The following VASP variants were observed in gnomAD, a reference collection of about 807,000 sequenced individuals.
VASP encodes vasodilator stimulated phosphoprotein, also known as vasodilator-stimulated phosphoprotein.
VASP carries 27 observed loss-of-function variants against 54.4 expected under a neutral mutation model. That is an observed-to-expected ratio of 0.50 (90% CI 0.37 to 0.68). VASP has a LOEUF of 0.68. Among genes scored for constraint, VASP ranks in the 30% least tolerant of loss-of-function variants. VASP has a pLI of 0.00. For missense variants in VASP, 488 were observed against 528.3 expected, an observed-to-expected ratio of 0.92 and a Z score of 0.75; for synonymous variants, 233 against 209.8, an observed-to-expected ratio of 1.11 and a Z score of -0.96.
rs765367406 is a variant in VASP at position 45,517,830 on chromosome 19, A to G, written c.173A>G (p.Gln58Arg). The G allele has an allele frequency of 1.2e-6, 2 of 1,613,140 alleles. No individual in the cohort carries two copies. The highest frequency in any genetic ancestry group is 2.2e-5 in the South Asian group (2 of 91,036). Residue 58 changes from glutamine to arginine, a missense_variant, in exon 2 of 13, where the codon CAG (glutamine) becomes CGG (arginine). By Grantham distance (43) the Gln-to-Arg change is conservative. Coordinates refer to ENST00000245932, the MANE Select transcript of VASP (RefSeq NM_003370.4). ...RVVGRKMQPD[Q>R]QVVINCAIVR... ...GTGGGCCGGAAGATGCAGCCCGACC[A>G]GCAGGTGCAGCTTCCCGCCGGCCCC...
chr19:45,524,153 G>T lies in VASP; in HGVS notation c.956+11G>T, dbSNP rs187934760. 6.2e-7 allele frequency: 1 copy of T among 1,612,884 alleles called. No homozygotes were observed. Among genetic ancestry groups the T allele is most frequent in the African/African-American group, 1.3e-5 (1 of 74,812 alleles). ...CACAACCTTGCCAAGGTAGGCCATC[G>T]GTCCTGGGGCCCTTGGGGAGGTAAA... On this transcript the variant is annotated intron_variant, in intron 10 of 12. Coordinates refer to ENST00000245932, the MANE Select transcript of VASP (RefSeq NM_003370.4).
chr19:45,512,153 T>A (rs1454837093), intron 1 of VASP, among the ~76,000 whole-genome samples: 4 of 152,002 alleles, frequency 2.6e-5, no homozygotes, highest in African/African-American at 4.8e-5. Context: ...TCTCAAAAGA[T>A]AAATGGTACA....
rs372139948 is a variant in VASP, at chr19:45,522,223, G to A, written c.478+6G>A. On this transcript the variant is annotated splice_donor_region_variant and intron_variant, in intron 5 of 12. Coordinates refer to ENST00000245932, the MANE Select transcript of VASP (RefSeq NM_003370.4). ...GCGCCGGGTCTCCAATGCAGGTGAT[G>A]CTCAGATAGCTTCGGGAGTTGGGAG... is the stretch of plus-strand genomic sequence containing the variant. 7.8e-5 allele frequency: 126 copies of A among 1,614,110 alleles called. No individual in the cohort carries two copies. The highest frequency in any genetic ancestry group is 2.4e-5 in the Non-Finnish European group (28 of 1,180,042).
chr19:45,522,924 T>C, intron 7 of VASP, 106 bp downstream of exon 7: 1 of 1,192,784 alleles, frequency 8.4e-7, no homozygotes, highest in Non-Finnish European at 1.2e-6. Flanking sequence ...TGGTGAATGT[T>C]CCCCCTTTGA....
chr19:45,521,346 C>T lies in VASP; in HGVS notation c.368C>T (p.Ala123Val), dbSNP rs1968828236. 8 of 1,581,992 alleles carry T rather than the reference C, an allele frequency of 5.1e-6. No homozygotes were observed. Among genetic ancestry groups the T allele is most frequent in the African/African-American group, 1.3e-5 (1 of 74,468 alleles). Reference sequence around the variant, plus strand: ...GGAGGTGGGCCCCCTCCACCCCCAGCACTTCCCACCTGGTCGGTCCCGAAC... The same window carrying T: ...GGAGGTGGGCCCCCTCCACCCCCAGTACTTCCCACCTGGTCGGTCCCGAAC... ...LEGGGPPPPP[A>V]LPTWSVPNGP... Residue 123 changes from alanine (A) to valine (V), a missense_variant, in exon 4 of 13, where the codon GCA becomes GTA. By Grantham distance (64) the Ala-to-Val change is moderately conservative. Around this residue, in one of 4 missense-constraint regions of VASP, gnomAD observed 226 missense variants for 196.0 expected, o/e 1.15. Coordinates refer to ENST00000245932, the MANE Select transcript of VASP (RefSeq NM_003370.4).
In VASP at chr19:45,521,356, C is replaced by A; in HGVS notation, c.378C>A (p.Thr126=). The part of the protein sequence containing the change: ...GGPPPPPALP[T]WSVPNGPSPE... ...CCCCTCCACCCCCAGCACTTCCCAC[C>A]TGGTCGGTCCCGAACGGCCCCTCCC... is the stretch of plus-strand genomic sequence containing the variant. Residue 126 remains threonine, a synonymous_variant, in exon 4 of 13, where the codon ACC becomes ACA. Transcript: ENST00000245932. 3.2e-6 allele frequency: 5 copies of A among 1,582,888 alleles called. No homozygotes were observed. The Admixed American group carries it at 7.2e-5, about 23-fold the overall frequency.
rs994355063 is a variant in VASP at position 45,522,451 on chromosome 19, C to T, written c.590C>T (p.Ala197Val). ...CCCCCTTCGGGGGTCCCAGCTGCAG[C>T]GCACGGAGCAGGGGGAGGACCACCC... ...GLPPSGVPAAAHGAGGGPPPA... is the reference protein window; with the variant it reads ...GLPPSGVPAAVHGAGGGPPPA... The change falls in exon 6 of 13, where the codon GCG becomes GTG. Residue 197 changes from alanine (A) to valine (V), a missense_variant. Ala to Val is a moderately conservative substitution (Grantham distance 64, BLOSUM62 0). Transcript: ENST00000245932. 3.2e-5 allele frequency: 49 copies of T among 1,509,072 alleles called. No individual in the cohort carries two copies. Among genetic ancestry groups the T allele is most frequent in the East Asian group, 4.9e-5 (2 of 40,880 alleles). The allele number at this position is 1,509,072 out of a possible 1,614,324, so 93.5% of individuals were successfully genotyped here.
chr19:45,517,909 C>G lies in VASP; in HGVS notation c.178-20C>G. 6.2e-7 allele frequency: 1 copy of G among 1,606,626 alleles called. No homozygotes were observed. The highest frequency in any genetic ancestry group is 1.1e-5 in the South Asian group (1 of 90,132). ...ACCCCTGCGCCCGCCGCCCCTCACC[C>G]CCCTTTCCCCTCCCACCAGGTGGTC... is the stretch of plus-strand genomic sequence containing the variant. On this transcript the variant is annotated intron_variant, in intron 2 of 12. Coordinates refer to ENST00000245932, the MANE Select transcript of VASP (RefSeq NM_003370.4).
intron 1 of VASP, among the ~76,000 whole-genome samples, chr19:45,515,923 CAAG>C (rs1968692649): frequency 6.6e-6 from 1 of 152,142 alleles, no homozygotes. Flanking sequence ...AGTTCACAGG[CAAG>C]AAGAGGTCTT....
At chr19:45,514,518 G>A (rs1055444307) in intron 1 of VASP, among the ~76,000 whole-genome samples, 5 of 152,098 alleles carry the variant, frequency 3.3e-5, no homozygotes, top group African/African-American at 7.2e-5. Flanking sequence ...ACCGTTCCCC[G>A]CCCCACCTCG....
intron 1 of VASP, among the ~76,000 whole-genome samples, chr19:45,515,610 C>T (rs914760262): frequency 4.6e-5 from 7 of 152,026 alleles, no homozygotes; most frequent in Admixed American, 2.0e-4. Context: ...GATCTCAGCT[C>T]ACTGCGGCCT....
chr19:45,521,191 C>A, intron 3 of VASP, 131 bp from the exon 4 acceptor site: 1 of 917,882 alleles, frequency 1.1e-6, no homozygotes, highest in Non-Finnish European at 1.7e-6. Flanking sequence ...CCTGGAGCCT[C>A]AGGGCCTCTG....
chr19:45,522,148 T>G lies in VASP; in HGVS notation c.429-20T>G. ...CCTTAGGGCCCTGATTGACGGCAGC[T>G]CTCTCGCCTCCCCCCACAGGCAGCA... On this transcript the variant is annotated intron_variant, in intron 4 of 12. Coordinates refer to ENST00000245932, the MANE Select transcript of VASP (RefSeq NM_003370.4). 2 of 1,613,140 alleles carry G rather than the reference T, an allele frequency of 1.2e-6. No homozygotes were observed. The highest frequency in any genetic ancestry group is 1.1e-5 in the South Asian group (1 of 91,050).
chr19:45,512,313 G>A (rs917651293), intron 1 of VASP, among the ~76,000 whole-genome samples: 4 of 151,480 alleles, frequency 2.6e-5, no homozygotes, highest in Admixed American at 6.6e-5. Context: ...TTTTGAGATG[G>A]AGTCTTGCTC....
chr19:45,507,901 T>C lies in VASP; in HGVS notation c.5+125T>C, dbSNP rs937612840. On this transcript the variant is annotated intron_variant, in intron 1 of 12. Transcript: ENST00000245932. This position sits in a 1 kb window ranked among gnomAD's most constrained non-coding sequence, Gnocchi z 4.4. ...GACAGATCCTTGGGAGCCTCGGATT[T>C]GAGCTGAATCCCCTTGGACGCGCCC... 15 of 576,462 alleles carry C rather than the reference T, an allele frequency of 2.6e-5. No homozygotes were observed. The highest frequency in any genetic ancestry group is 2.5e-4 in the East Asian group (7 of 28,090). 35.7% of individuals were successfully genotyped at this position (576,462 alleles called of 1,614,324 possible).
chr19:45,520,130 G>A (rs1368050523), intron 3 of VASP, among the ~76,000 whole-genome samples: 1 of 151,928 alleles, frequency 6.6e-6, no homozygotes, highest in Non-Finnish European at 1.5e-5. Flanking sequence ...TCGAACTCCT[G>A]ACCTCAGGTG....
chr19:45,526,832 GT>G lies in VASP; in HGVS notation c.*656del, dbSNP rs1968982701. On this transcript the variant is annotated 3_prime_UTR_variant, in exon 13 of 13. Coordinates refer to ENST00000245932, the MANE Select transcript of VASP (RefSeq NM_003370.4). ...CTCAGTTTTTTGATTTTTTATTTGG[GT>G]AGGTTTTGGGGTCCAGGCCATTTTT... 6.6e-6 allele frequency: 1 copy of G among 152,016 alleles called. No individual in the cohort carries two copies. The highest frequency in any genetic ancestry group is 2.4e-5 in the African/African-American group (1 of 41,356). 9.4% of individuals were successfully genotyped at this position (152,016 alleles called of 1,614,324 possible).
intron 3 of VASP, among the ~76,000 whole-genome samples, chr19:45,519,435 T>C (rs1303614246): frequency 6.6e-6 from 1 of 151,878 alleles, no homozygotes; most frequent in African/African-American, 2.4e-5. Context: ...TGAGCCACCA[T>C]GTCTGGCCAC....
chr19:45,522,535 G>A lies in VASP; in HGVS notation c.674G>A (p.Gly225Asp). The A allele has an allele frequency of 6.9e-7, 1 of 1,455,994 alleles. No homozygotes were observed. 90.2% of individuals were successfully genotyped at this position (1,455,994 alleles called of 1,614,324 possible). ...GGTGGTGGGGGAGCTGGGGCCCCAG[G>A]CCTGGCCGCAGCTATTGCTGGAGCC... Reference protein sequence around the residue: ...GPGGGGAGAPGLAAAIAGAKL... With the variant: ...GPGGGGAGAPDLAAAIAGAKL... The change falls in exon 6 of 13, where the codon GGC (glycine) becomes GAC (aspartate). Residue 225 changes from glycine to aspartate, a missense_variant. Around this residue, in one of 4 missense-constraint regions of VASP, gnomAD observed 226 missense variants for 196.0 expected, o/e 1.15. Transcript: ENST00000245932.
Sources: gnomAD v4.1 joint callset for allele counts (sites outside exome capture counted in the v4.1 genomes callset) on GRCh38, gnomAD v4.1.1 for gene constraint, gnomAD v4.1.1 regional missense constraint, Gnocchi (gnomAD v3.1) non-coding constraint, MANE v1.5 for transcripts, NCBI Gene and HGNC (gene_info 2026-07-23, HGNC 2026-07-21) for gene names.